The following RALGPS1 variants were observed in gnomAD, a reference collection of about 807,000 sequenced individuals.
RALGPS1 encodes the protein ras-specific guanine nucleotide-releasing factor RalGPS1.
RALGPS1 carries 19 observed loss-of-function variants against 78.8 expected under a neutral mutation model. The observed-to-expected ratio is 0.24, with a 90% CI of 0.17 to 0.35. The LOEUF is 0.35. RALGPS1 is among the 10% of genes least tolerant of loss of function. The pLI, the probability that RALGPS1 is intolerant of heterozygous loss-of-function variation, is 1.00. For synonymous variants in RALGPS1, 228 were observed against 256.3 expected (o/e 0.89, Z 1.06); for missense variants, 454 against 688.3 (o/e 0.66, Z 3.81).
rs747744154 is a variant in RALGPS1 at position 127,092,590 on chromosome 9, A to G, written c.610+23234A>G. On this transcript the variant is annotated intron_variant, in intron 8 of 18. Coordinates refer to ENST00000259351, the MANE Select transcript of RALGPS1 (RefSeq NM_014636.3). Reference sequence around the variant, plus strand: ...GCTGGCACTGTTTTAAGAACTTTACATAGGTTGTTTTACTAATCCTCATGT... The same window carrying G: ...GCTGGCACTGTTTTAAGAACTTTACGTAGGTTGTTTTACTAATCCTCATGT... 4.6e-5 allele frequency among the ~76,000 whole-genome samples: 7 copies of G among 152,164 alleles called. No homozygotes were observed. In the East Asian group the frequency reaches 9.6e-4, roughly 21 times the overall value.
chr9:127,178,393 A>G (rs976315232), intron 11 of RALGPS1: 6 of 886,892 alleles, frequency 6.8e-6, no homozygotes, highest in South Asian at 3.6e-5. Context: ...CAGTGTCTCT[A>G]TCTGTAAAGT....
At chr9:127,024,253 G>T (rs534683548) in intron 4 of RALGPS1, among the ~76,000 whole-genome samples, 1 of 151,598 alleles carries the variant, frequency 6.6e-6, no homozygotes, top group Admixed American at 6.6e-5. Context: ...AAGTGATCTT[G>T]TACATGATAA....
chr9:126,979,100 A>G (rs896666873), intron 4 of RALGPS1, among the ~76,000 whole-genome samples: 1 of 152,236 alleles, frequency 6.6e-6, no homozygotes, highest in Non-Finnish European at 1.5e-5. Flanking sequence ...GACAAAGAGC[A>G]TATCTTAACA....
At chr9:127,103,780 CTAGAAGGTCAGGAAGTAGAGA>C (rs1195183783) in intron 8 of RALGPS1, among the ~76,000 whole-genome samples, 3 of 152,136 alleles carry the variant, frequency 2.0e-5, no homozygotes, top group African/African-American at 4.8e-5. Flanking sequence ...GGAAGTAGAG[CTAGAAGGTCAGGAAGTAGAGA>C]TAGAAGGTCA....
Position 127,052,913 on chromosome 9 carries a change from A to G in RALGPS1, c.457A>G (p.Ile153Val), listed in dbSNP as rs1396707697. Residue 153 changes from isoleucine to valine, a missense_variant, in exon 7 of 19, where the codon ATC (isoleucine) becomes GTC (valine). Physicochemically the swap from Ile to Val is conservative, Grantham distance 29 (BLOSUM62 3). Coordinates refer to ENST00000259351, the MANE Select transcript of RALGPS1 (RefSeq NM_014636.3). ...GGTATCAGCATTACAAAGTGCTCCC[A>G]TCTTCAGGCTGACAAAAACCTGGGC... ...SVVSALQSAP[I>V]FRLTKTWALL... 1 of 1,607,632 alleles carries G rather than the reference A, an allele frequency of 6.2e-7. No homozygotes were observed. Among genetic ancestry groups the G allele is most frequent in the Non-Finnish European group, 8.5e-7 (1 of 1,174,222 alleles).
rs528740416 is a variant in RALGPS1 at position 127,031,008 on chromosome 9, G to A, written c.217-3423G>A. Among the ~76,000 whole-genome samples, 6 of 152,162 alleles carry A rather than the reference G, an allele frequency of 3.9e-5. No individual in the cohort carries two copies. In the South Asian group the frequency reaches 6.2e-4, roughly 16 times the overall value. On this transcript the variant is annotated intron_variant, in intron 4 of 18. Transcript: ENST00000259351. Reference sequence around the variant, plus strand: ...CCTCACATCCAGTCAGCTCAGCCACGTAGTCAGGGCCAGGGACCGTCTGGG... The same window carrying A: ...CCTCACATCCAGTCAGCTCAGCCACATAGTCAGGGCCAGGGACCGTCTGGG...
chr9:126,926,404 A>T (rs563626172), intron 1 of RALGPS1, among the ~76,000 whole-genome samples: 1 of 152,184 alleles, frequency 6.6e-6, no homozygotes, highest in African/African-American at 2.4e-5. Context: ...AAAGATTTTC[A>T]CTTTTCCAGG....
At chr9:127,124,733 CAGTA>C (rs1370167371) in intron 8 of RALGPS1, among the ~76,000 whole-genome samples, 1 of 152,130 alleles carries the variant, frequency 6.6e-6, no homozygotes. Flanking sequence ...ATTCCAAAGA[CAGTA>C]AGGAGCCACT....
At chr9:127,156,440 T>C (rs2058713310) in intron 8 of RALGPS1, among the ~76,000 whole-genome samples, 1 of 152,208 alleles carries the variant, frequency 6.6e-6, no homozygotes, top group African/African-American at 2.4e-5. Flanking sequence ...TCATCAACAC[T>C]AAATATTATC....
chr9:127,195,074 C>T lies in RALGPS1; in HGVS notation c.911-17C>T. 1.9e-6 allele frequency: 3 copies of T among 1,612,912 alleles called. No individual in the cohort carries two copies. The highest frequency in any genetic ancestry group is 2.5e-6 in the Non-Finnish European group (3 of 1,179,722). ...CCATCATAACCCCCGTTGTTGCTCT[C>T]TCTGCTCTGTTTGCAGGTCCCTCTG... is the stretch of plus-strand genomic sequence containing the variant. On this transcript the variant is annotated splice_polypyrimidine_tract_variant and intron_variant, in intron 11 of 18. Coordinates refer to ENST00000259351, the MANE Select transcript of RALGPS1 (RefSeq NM_014636.3).
rs971214859 is a variant in RALGPS1 at position 127,174,299 on chromosome 9, G to GAGAA, written c.843-402_843-399dup. On this transcript the variant is annotated intron_variant, in intron 10 of 18. Transcript: ENST00000259351. ...AGAGAAAGAAAGAAAGAGAAAGAAA[G>GAGAA]AGAAAGAAAGAAAGAAAAAAAAAGA... is the stretch of plus-strand genomic sequence containing the variant. 5.2e-5 allele frequency among the ~76,000 whole-genome samples: 7 copies of GAGAA among 135,278 alleles called. No individual in the cohort carries two copies. In the East Asian group the frequency reaches 6.0e-4, roughly 12 times the overall value. 88.7% of individuals were successfully genotyped at this position (135,278 alleles called of 152,430 possible).
chr9:127,124,425 G>T (rs2056449760), intron 8 of RALGPS1, among the ~76,000 whole-genome samples: 1 of 152,230 alleles, frequency 6.6e-6, no homozygotes, highest in African/African-American at 2.4e-5. Context: ...TAGCCACAGA[G>T]TCACCCCAGA....
At chr9:127,199,487 C>A (rs539391471) in intron 14 of RALGPS1, among the ~76,000 whole-genome samples, 1 of 146,264 alleles carries the variant, frequency 6.8e-6, no homozygotes, top group African/African-American at 2.5e-5. Context: ...GACCCCCACC[C>A]TGCTAGGCAC....
chr9:126,993,703 T>C (rs1241539452), intron 4 of RALGPS1, among the ~76,000 whole-genome samples: 1 of 152,058 alleles, frequency 6.6e-6, no homozygotes, highest in Non-Finnish European at 1.5e-5. Flanking sequence ...GCACGCAGCT[T>C]GAGATCTGAG....
chr9:127,186,074 CTGT>C (rs1315143149), intron 11 of RALGPS1, among the ~76,000 whole-genome samples: 7 of 152,174 alleles, frequency 4.6e-5, no homozygotes, highest in African/African-American at 1.4e-4. Context: ...CACTCCAAGG[CTGT>C]TGTTAGGAGG....
intron 14 of RALGPS1, among the ~76,000 whole-genome samples, chr9:127,200,335 G>A (rs146789807): frequency 7.2e-4 from 110 of 152,356 alleles, no homozygotes; most frequent in African/African-American, 2.5e-3. Flanking sequence ...GGTGCTTTGC[G>A]TGCATGGATG....
intron 11 of RALGPS1, among the ~76,000 whole-genome samples, chr9:127,180,086 G>GTT (rs1179673654): frequency 6.6e-6 from 1 of 152,170 alleles, no homozygotes; most frequent in Non-Finnish European, 1.5e-5. Context: ...AGAATGCCAC[G>GTT]TTTTCCATTT....
intron 8 of RALGPS1, among the ~76,000 whole-genome samples, chr9:127,148,732 A>G (rs1382015740): frequency 6.6e-6 from 1 of 152,216 alleles, no homozygotes; most frequent in Non-Finnish European, 1.5e-5. Context: ...CCCCTTCCCC[A>G]AACAAGAGAG....
At chr9:127,175,677 CTTTTTTTTT>C (rs11354346) in intron 11 of RALGPS1, among the ~76,000 whole-genome samples, 1 of 108,982 alleles carries the variant, frequency 9.2e-6, no homozygotes, top group Non-Finnish European at 1.8e-5. Context: ...TTTGGGCCTC[CTTTTTTTTT>C]TTTTTTTTTT....
Sources: allele counts gnomAD v4.1 joint callset (sites outside exome capture counted in the v4.1 genomes callset), GRCh38; gene constraint gnomAD v4.1.1; transcripts MANE v1.5; gene names NCBI Gene and HGNC (gene_info 2026-07-23, HGNC 2026-07-21).